Variants in PCDH7 observed in about 807,000 individuals in gnomAD.
PCDH7 encodes the protein protocadherin 7, also known as protocadherin-7.
A neutral mutation model predicts 58.9 loss-of-function variants in PCDH7; 17 were observed. That is an observed-to-expected ratio of 0.29 (90% CI 0.20 to 0.43). The LOEUF (loss-of-function observed/expected upper bound fraction) is 0.43. PCDH7 is among the 20% of genes least tolerant of loss of function. The probability of loss-of-function intolerance (pLI) is 1.00; values close to 1 mark genes in which losing one functional copy is unlikely to be tolerated. For synonymous variants in PCDH7, 664 were observed against 616.4 expected, an observed-to-expected ratio of 1.08 and a Z score of -1.14; for missense variants, 1,274 against 1,441.0, an observed-to-expected ratio of 0.88 and a Z score of 1.88.
chr4:30,964,983 T>C (rs10012785), intron 3 of PCDH7, among the ~76,000 whole-genome samples: 93,110 of 152,026 alleles, frequency 0.61, 29,742 homozygotes, highest in African/African-American at 0.81. Flanking sequence ...TTAATTCATA[T>C]TTTATGCCAT....
chr4:31,054,393 G>A (rs1411928448), intron 3 of PCDH7, among the ~76,000 whole-genome samples: 7 of 152,140 alleles, frequency 4.6e-5, no homozygotes, highest in Admixed American at 1.3e-4. Context: ...AAGTTAGTAC[G>A]TCCCAAAAGG....
At chr4:30,970,526 CT>C (rs559234572) in intron 3 of PCDH7, among the ~76,000 whole-genome samples, 19 of 152,176 alleles carry the variant, frequency 1.2e-4, no homozygotes, top group Non-Finnish European at 2.4e-4. Context: ...ATCTCCTGAC[CT>C]AGTGATCCCC....
chr4:30,918,615 G>A (rs927143224), intron 1 of PCDH7, among the ~76,000 whole-genome samples: 7 of 152,080 alleles, frequency 4.6e-5, no homozygotes, highest in African/African-American at 7.2e-5. Flanking sequence ...TATAAATACT[G>A]CAGTTCCAAT....
chr4:31,072,431 T>C (rs945008724), intron 3 of PCDH7, among the ~76,000 whole-genome samples: 16 of 152,164 alleles, frequency 1.1e-4, no homozygotes, highest in African/African-American at 3.9e-4. Context: ...GCAAACATAA[T>C]GTGGAAAGAG....
intron 3 of PCDH7, among the ~76,000 whole-genome samples, chr4:31,060,343 C>T (rs140644254): frequency 6.6e-6 from 1 of 151,880 alleles, no homozygotes; most frequent in African/African-American, 2.4e-5. Flanking sequence ...CTTTTGCTAG[C>T]ATTCATGTAT....
In PCDH7 at chr4:30,721,175, C is replaced by T. The variant is rs1236858525; in HGVS notation, c.-248C>T. 2 of 514,684 alleles carry T rather than the reference C, an allele frequency of 3.9e-6. No homozygotes were observed. The highest frequency in any genetic ancestry group is 7.4e-5 in the Admixed American group (2 of 27,076). 31.9% of individuals were successfully genotyped at this position (514,684 alleles called of 1,614,324 possible). A position where few individuals can be genotyped will look rare whatever the true frequency, so the allele number is the denominator to read the frequency against. ...GCGAGCGGGCGATTAGCACCCATTG[C>T]ATGAATTATGAAACAATAACTTTCG... On this transcript the variant is annotated 5_prime_UTR_variant, in exon 1 of 2. Transcript: ENST00000361762. This position sits in a 1 kb window ranked among gnomAD's most constrained non-coding sequence, Gnocchi z 6.7.
chr4:31,065,525 C>T (rs1384057579), intron 3 of PCDH7, among the ~76,000 whole-genome samples: 1 of 151,634 alleles, frequency 6.6e-6, no homozygotes, highest in Non-Finnish European at 1.5e-5. Flanking sequence ...ATGTAGTCAG[C>T]AAAGGAAAGA....
chr4:31,115,042 G>A (rs201821148), intron 3 of PCDH7, among the ~76,000 whole-genome samples: 2 of 152,118 alleles, frequency 1.3e-5, no homozygotes, highest in East Asian at 1.9e-4. Context: ...GGCATGGGAC[G>A]CAATGATTCA....
intron 1 of PCDH7, among the ~76,000 whole-genome samples, chr4:30,906,380 C>T (rs4487300): frequency 0.77 from 117,757 of 152,150 alleles, 46,408 homozygotes; most frequent in African/African-American, 0.94. Flanking sequence ...TTTCACACAA[C>T]ATCAAAACCA....
At chr4:30,730,866 C>T (rs1715394356) in exon 2 of PCDH7, 10 of 1,498,742 alleles carry the variant, frequency 6.7e-6, no homozygotes, top group South Asian at 1.4e-5. Flanking sequence ...GGAGCCTGCC[C>T]TTGGCCGTGG....
chr4:30,778,080 C>G (rs1258380672), intron 1 of PCDH7, among the ~76,000 whole-genome samples: 2 of 151,882 alleles, frequency 1.3e-5, no homozygotes, highest in Non-Finnish European at 2.9e-5. Flanking sequence ...TCCAAGATGC[C>G]AAAGGTCACT....
intron 1 of PCDH7, among the ~76,000 whole-genome samples, chr4:30,725,862 A>C (rs1384579680): frequency 6.6e-6 from 1 of 152,074 alleles, no homozygotes; most frequent in Non-Finnish European, 1.5e-5. Flanking sequence ...TGATTATTGA[A>C]ATTAGTATTT....
At chr4:31,083,159 A>G (rs1010551244) in intron 3 of PCDH7, among the ~76,000 whole-genome samples, 8 of 152,108 alleles carry the variant, frequency 5.3e-5, no homozygotes, top group African/African-American at 7.2e-5. Context: ...AGTACAATGT[A>G]CACTACTCAG....
At chr4:31,115,288 T>A (rs1716856801) in intron 3 of PCDH7, among the ~76,000 whole-genome samples, 3 of 152,160 alleles carry the variant, frequency 2.0e-5, no homozygotes, top group Admixed American at 2.0e-4. Flanking sequence ...AAATGATTTT[T>A]AAAAGTATGT....
At chr4:30,769,447 A>G (rs1721131876) in intron 1 of PCDH7, among the ~76,000 whole-genome samples, 1 of 152,156 alleles carries the variant, frequency 6.6e-6, no homozygotes, top group South Asian at 2.1e-4. Flanking sequence ...TTTATCCGAT[A>G]AGCCTCAATT....
At chr4:30,988,038 CTG>C (rs1751131846) in intron 3 of PCDH7, among the ~76,000 whole-genome samples, 1 of 152,140 alleles carries the variant, frequency 6.6e-6, no homozygotes, top group Non-Finnish European at 1.5e-5. Context: ...AGATTTGCAT[CTG>C]TGAAAACATG....
intron 1 of PCDH7, among the ~76,000 whole-genome samples, chr4:30,798,921 A>T (rs149656846): frequency 1.7e-4 from 26 of 152,312 alleles, no homozygotes; most frequent in Admixed American, 1.5e-3. Context: ...TTAAAAAAAG[A>T]ATTTATGCTG....
chr4:30,842,476 A>C (rs1183827453), intron 1 of PCDH7, among the ~76,000 whole-genome samples: 1 of 152,148 alleles, frequency 6.6e-6, no homozygotes, highest in African/African-American at 2.4e-5. Flanking sequence ...CCACATTTTA[A>C]GTGCTTATAG....
chr4:30,722,885 A>T lies in PCDH7; in HGVS notation c.1463A>T (p.His488Leu). The change falls in exon 1 of 2, where the codon CAC becomes CTC. Residue 488 changes from histidine (H) to leucine (L), a missense_variant. Coordinates refer to ENST00000361762, the Ensembl canonical transcript of PCDH7. The surrounding 1 kb of genome is among the most constrained non-coding windows in gnomAD (Gnocchi z 7.6). ...CAGAACAAGAAAAAGTACTTCTTGC[A>T]CACCTCGACCCCTCTGGACTATGAG... is the stretch of plus-strand genomic sequence containing the variant. The T allele has an allele frequency of 6.2e-7, 1 of 1,613,828 alleles. No homozygotes were observed. Among genetic ancestry groups the T allele is most frequent in the Non-Finnish European group, 8.5e-7 (1 of 1,180,032 alleles).
Sources: allele counts gnomAD v4.1 joint callset (sites outside exome capture counted in the v4.1 genomes callset), GRCh38; gene constraint gnomAD v4.1.1; non-coding constraint Gnocchi (gnomAD v3.1); transcripts MANE v1.5; gene names NCBI Gene and HGNC (gene_info 2026-07-23, HGNC 2026-07-21).